SMARCD3: variants seen among roughly 807,000 people sequenced by gnomAD.
SMARCD3 encodes the protein SWI/SNF related BAF chromatin remodeling complex subunit D3.
A neutral mutation model predicts 58.0 loss-of-function variants in SMARCD3; 14 were observed. The ratio of observed to expected loss-of-function variants is 0.24; its 90% CI spans 0.16 to 0.38. The LOEUF is 0.38. Among genes scored for constraint, SMARCD3 ranks in the 10% least tolerant of loss-of-function variants. SMARCD3 has a pLI of 1.00. For synonymous variants in SMARCD3, 253 were observed against 253.8 expected (o/e 1.00, Z 0.03); for missense variants, 408 against 636.9 (o/e 0.64, Z 3.87).
rs1802976166 is a variant in SMARCD3 at position 151,241,381 on chromosome 7, T to C, written c.939+111A>G. The stretch of plus-strand genomic sequence containing the variant: ...CAAGACCATGACTGTGTACTGCTTC[T>C]GCTACTCAGGAATCTAGAAGGGAGG... On this transcript the variant is annotated intron_variant, in intron 8 of 12. Transcript: ENST00000262188. The surrounding 1 kb of genome is among the most constrained non-coding windows in gnomAD (Gnocchi z 5.3). 1.1e-6 allele frequency: 1 copy of C among 916,526 alleles called. No homozygotes were observed. Among genetic ancestry groups the C allele is most frequent in the African/African-American group, 1.6e-5 (1 of 61,042 alleles). The allele number at this position is 916,526 out of a possible 1,614,324, so 56.8% of individuals were successfully genotyped here.
upstream of SMARCD3, chr7:151,248,769 G>T: frequency 1.1e-6 from 1 of 929,792 alleles, no homozygotes; most frequent in Non-Finnish European, 1.3e-6. This position sits in a 1 kb window ranked among gnomAD's most constrained non-coding sequence, Gnocchi z 6.1. Context: ...CGCCGCCGCC[G>T]CCGCCGCGGC....
At chr7:151,274,980 G>T in intron 2 of SMARCD3, 1 of 698,606 alleles carries the variant, frequency 1.4e-6, no homozygotes, top group Non-Finnish European at 2.6e-6. Flanking sequence ...CCTGCCATGG[G>T]CACTAAGGAG....
rs779782270 is a variant in SMARCD3, at chr7:151,242,589, C to T, written c.471G>A (p.Leu157=). Residue 157 remains leucine (L), a synonymous_variant, in exon 5 of 13, where the codon CTG becomes CTA. Coordinates refer to ENST00000262188, the MANE Select transcript of SMARCD3 (RefSeq NM_001003801.2). The surrounding 1 kb of genome is among the most constrained non-coding windows in gnomAD (Gnocchi z 4.7). ...TAAAAGTGTTGGAGATATAGAGTCG[C>T]AGCTTCCGCTTTTGCTGTAGAAATA... ...LKRPMKQKRK[L]RLYISNTFNP... 4 of 1,613,352 alleles carry T rather than the reference C, an allele frequency of 2.5e-6. No individual in the cohort carries two copies. The highest frequency in any genetic ancestry group is 1.1e-5 in the South Asian group (1 of 91,080).
chr7:151,240,261 C>T lies in SMARCD3; in HGVS notation c.1038-14G>A, dbSNP rs773222783. 1 of 1,609,156 alleles carries T rather than the reference C, an allele frequency of 6.2e-7. No individual in the cohort carries two copies. Among genetic ancestry groups the T allele is most frequent in the African/African-American group, 1.4e-5 (1 of 73,018 alleles). On this transcript the variant is annotated splice_polypyrimidine_tract_variant and intron_variant, in intron 9 of 12. Coordinates refer to ENST00000262188, the MANE Select transcript of SMARCD3 (RefSeq NM_001003801.2). ...GAAGGGTCCACGCTGCCAGGGAAGTCCAGCCCTTCGTGTCCACGATGCCCC... is the reference window on the plus strand; with the variant it reads ...GAAGGGTCCACGCTGCCAGGGAAGTTCAGCCCTTCGTGTCCACGATGCCCC...
At chr7:151,269,389 G>A (rs1795090910) in intron 2 of SMARCD3, among the ~76,000 whole-genome samples, 1 of 152,162 alleles carries the variant, frequency 6.6e-6, no homozygotes, top group Non-Finnish European at 1.5e-5. Context: ...GGCCCACCCT[G>A]AGCCATCTCC....
At position 151,245,473 on chromosome 7, in the gene SMARCD3, C is replaced by CG; in HGVS notation, c.276dup (p.Ala93ArgfsTer13). 1 of 1,219,696 alleles carries CG rather than the reference C, an allele frequency of 8.2e-7. No individual in the cohort carries two copies. The highest frequency in any genetic ancestry group is 1.0e-6 in the Non-Finnish European group (1 of 978,518). 75.6% of individuals were successfully genotyped at this position (1,219,696 alleles called of 1,614,324 possible). On this transcript the variant is annotated frameshift_variant, in exon 2 of 13. Transcript: ENST00000262188. LOFTEE classifies it high-confidence loss of function. The surrounding 1 kb of genome is among the most constrained non-coding windows in gnomAD (Gnocchi z 6.2). ...CCTCCCACTCACCTGCGGCTCCGCGCGGGGGCGGTGGGCACCGGCTGGCCC... is the reference window on the plus strand; with the variant it reads ...CCTCCCACTCACCTGCGGCTCCGCGCGGGGGGCGGTGGGCACCGGCTGGCCC...
chr7:151,248,458 C>T lies in SMARCD3; in HGVS notation c.78+27G>A. The stretch of plus-strand genomic sequence containing the variant: ...TTCAGCCCGAGCCAGCTCGCTTGCC[C>T]TCCCCCGCTAACTTTCCCCCACTCA... On this transcript the variant is annotated intron_variant, in intron 1 of 12. Coordinates refer to ENST00000262188, the MANE Select transcript of SMARCD3 (RefSeq NM_001003801.2). The surrounding 1 kb of genome is among the most constrained non-coding windows in gnomAD (Gnocchi z 6.1). The T allele has an allele frequency of 6.3e-7, 1 of 1,593,712 alleles. No homozygotes were observed. The highest frequency in any genetic ancestry group is 8.6e-7 in the Non-Finnish European group (1 of 1,162,620).
Position 151,241,772 on chromosome 7 carries a change from AG to A in SMARCD3, c.777+104del. On this transcript the variant is annotated intron_variant, in intron 7 of 12. Coordinates refer to ENST00000262188, the MANE Select transcript of SMARCD3 (RefSeq NM_001003801.2). This position sits in a 1 kb window ranked among gnomAD's most constrained non-coding sequence, Gnocchi z 5.3. ...AGGAAACATGCCCCTGGGGAAGGAT[AG>A]GTTTGGGAGGGGAAGGAGGTCTCTC... 1 of 1,371,382 alleles carries A rather than the reference AG, an allele frequency of 7.3e-7. No individual in the cohort carries two copies. Among genetic ancestry groups the A allele is most frequent in the African/African-American group, 1.4e-5 (1 of 70,142 alleles). The allele number at this position is 1,371,382 out of a possible 1,614,324, so 85.0% of individuals were successfully genotyped here.
upstream of SMARCD3, chr7:151,248,777 G>C: frequency 1.2e-6 from 1 of 843,148 alleles, no homozygotes; most frequent in Admixed American, 5.4e-5. This position sits in a 1 kb window ranked among gnomAD's most constrained non-coding sequence, Gnocchi z 6.1. Flanking sequence ...CCGCCGCCGC[G>C]GCTGCCGCAT....
chr7:151,251,883 G>A (rs1216160985), upstream of SMARCD3, among the ~76,000 whole-genome samples: 1 of 147,182 alleles, frequency 6.8e-6, no homozygotes, highest in African/African-American at 2.5e-5. Context: ...CCGCGCCCGA[G>A]CGAGCGGGCG....
upstream of SMARCD3, chr7:151,249,088 C>T (rs1156338292): frequency 2.6e-5 from 4 of 152,094 alleles, no homozygotes; most frequent in East Asian, 7.7e-4. This position sits in a 1 kb window ranked among gnomAD's most constrained non-coding sequence, Gnocchi z 4.8. Context: ...AGGCAGGGAA[C>T]AGTCAGTTCC....
rs1027230144 is a variant in SMARCD3 at position 151,248,301 on chromosome 7, G to A, written c.78+184C>T. On this transcript the variant is annotated intron_variant, in intron 1 of 12. Coordinates refer to ENST00000262188, the MANE Select transcript of SMARCD3 (RefSeq NM_001003801.2). This position sits in a 1 kb window ranked among gnomAD's most constrained non-coding sequence, Gnocchi z 6.1. ...TCCCCGCCTCGCGTCAGACCCGGCC[G>A]GCCGCCTGGCGACGTGTTCGGGTGC... is the stretch of plus-strand genomic sequence containing the variant. Among the ~76,000 whole-genome samples, 2 of 135,756 alleles carry A rather than the reference G, an allele frequency of 1.5e-5. No homozygotes were observed. The highest frequency in any genetic ancestry group is 3.1e-5 in the Non-Finnish European group (2 of 64,640). The allele number at this position is 135,756 out of a possible 152,430, so 89.1% of individuals were successfully genotyped here. A position where few individuals can be genotyped will look rare whatever the true frequency, so the allele number is the denominator to read the frequency against.
intron 2 of SMARCD3, among the ~76,000 whole-genome samples, chr7:151,244,199 C>T (rs572373750): frequency 1.2e-3 from 183 of 152,212 alleles, no homozygotes; most frequent in Non-Finnish European, 1.9e-3. Context: ...GGACTTGCAC[C>T]CCTTCCAGCC....
intron 2 of SMARCD3, among the ~76,000 whole-genome samples, chr7:151,262,524 C>T (rs1025643351): frequency 2.0e-5 from 3 of 152,374 alleles, no homozygotes; most frequent in African/African-American, 4.8e-5. Flanking sequence ...GTCCTCTACA[C>T]GTTTAGTGAG....
chr7:151,255,366 T>C (rs1803666984), intron 2 of SMARCD3, among the ~76,000 whole-genome samples: 1 of 152,232 alleles, frequency 6.6e-6, no homozygotes. Flanking sequence ...GCTCGACCAC[T>C]GGCCTAAGGG....
chr7:151,247,816 T>C (rs1391535094), intron 1 of SMARCD3, among the ~76,000 whole-genome samples: 5 of 152,130 alleles, frequency 3.3e-5, no homozygotes, highest in Admixed American at 3.3e-4. Context: ...CTAGGCCTCA[T>C]GTCCCCAACT....
rs1584859936 is a variant in SMARCD3, at chr7:151,239,296, C to T, written c.1398+100G>A. The T allele has an allele frequency of 1.6e-5, 21 of 1,331,388 alleles. No individual in the cohort carries two copies. The East Asian group carries it at 4.6e-4, about 29-fold the overall frequency. 82.5% of individuals were successfully genotyped at this position (1,331,388 alleles called of 1,614,324 possible). A position where few individuals can be genotyped will look rare whatever the true frequency, so the allele number is the denominator to read the frequency against. On this transcript the variant is annotated intron_variant, in intron 12 of 12. Coordinates refer to ENST00000262188, the MANE Select transcript of SMARCD3 (RefSeq NM_001003801.2). The surrounding 1 kb of genome is among the most constrained non-coding windows in gnomAD (Gnocchi z 7.0). ...TGCATGGTGAGGCAGCGTGGTGAAG[C>T]TTTACTGTGGGGAGCTGCGAGGGCT...
chr7:151,267,279 A>G (rs1483929412), intron 2 of SMARCD3, among the ~76,000 whole-genome samples: 2 of 152,246 alleles, frequency 1.3e-5, no homozygotes, highest in African/African-American at 4.8e-5. Flanking sequence ...AACTGAAGGG[A>G]TGACTATTAC....
At chr7:151,268,591 C>A (rs142385832) in intron 2 of SMARCD3, among the ~76,000 whole-genome samples, 1 of 152,280 alleles carries the variant, frequency 6.6e-6, no homozygotes, top group East Asian at 1.9e-4. Context: ...TTGGGCACAG[C>A]AAATTTCTGA....
Sources: allele counts gnomAD v4.1 joint callset (sites outside exome capture counted in the v4.1 genomes callset), GRCh38; gene constraint gnomAD v4.1.1; non-coding constraint Gnocchi (gnomAD v3.1); transcripts MANE v1.5; gene names NCBI Gene and HGNC (gene_info 2026-07-23, HGNC 2026-07-21).